The following OR2L13 variants were observed in gnomAD, a reference collection of about 807,000 sequenced individuals.
OR2L13 encodes the protein olfactory receptor 2L13.
Under a neutral mutation model 15.3 loss-of-function variants are expected in OR2L13, and 14 were observed. That is an observed-to-expected ratio of 0.91 (90% CI 0.60 to 1.43). The LOEUF (loss-of-function observed/expected upper bound fraction) is 1.43, where lower values mean the gene tolerates loss of function less well. Ranked by LOEUF, OR2L13 falls within the 40% of genes most tolerant of loss-of-function variation. The probability of loss-of-function intolerance (pLI) is 0.00; values close to 1 mark genes in which losing one functional copy is unlikely to be tolerated. For synonymous variants in OR2L13, 152 were observed against 142.9 expected (o/e 1.06, Z -0.45); for missense variants, 367 against 387.9 (o/e 0.95, Z 0.45).
chr1:247,943,168 A>C, the OR2L13 span, among the ~76,000 whole-genome samples: 2 of 152,146 alleles, frequency 1.3e-5, no homozygotes, highest in African/African-American at 4.8e-5. Context: ...AAACATGGGC[A>C]TAGAAATATT....
At chr1:247,955,749 G>T in the OR2L13 span, among the ~76,000 whole-genome samples, 6 of 151,922 alleles carry the variant, frequency 3.9e-5, no homozygotes, top group South Asian at 8.3e-4. Context: ...CTTCTTTTGA[G>T]AAGTGTCCGT....
chr1:248,017,253 A>G, the OR2L13 span, among the ~76,000 whole-genome samples: 3 of 152,346 alleles, frequency 2.0e-5, no homozygotes, highest in East Asian at 5.8e-4. Context: ...GGGCACAAGT[A>G]ACCTGTTTGG....
the OR2L13 span, among the ~76,000 whole-genome samples, chr1:248,051,718 C>T: frequency 0.038 from 5,851 of 152,142 alleles, 385 homozygotes; most frequent in African/African-American, 0.13. Flanking sequence ...CACGATTGTA[C>T]TCCCTGAATA....
the OR2L13 span, among the ~76,000 whole-genome samples, chr1:248,072,244 T>A: frequency 1.2e-4 from 19 of 152,192 alleles, no homozygotes; most frequent in Non-Finnish European, 2.6e-4. Flanking sequence ...AAGGCTACAG[T>A]AACCAAAACA....
the OR2L13 span, among the ~76,000 whole-genome samples, chr1:247,960,086 C>T: frequency 2.6e-5 from 4 of 151,612 alleles, no homozygotes; most frequent in African/African-American, 4.8e-5. Context: ...TACCTTTGGT[C>T]TTTGATGATG....
the OR2L13 span, among the ~76,000 whole-genome samples, chr1:248,009,920 G>A: frequency 6.6e-6 from 1 of 152,044 alleles, no homozygotes; most frequent in Non-Finnish European, 1.5e-5. Context: ...AAAACCATAT[G>A]ATTATTTCAA....
the OR2L13 span, among the ~76,000 whole-genome samples, chr1:248,055,150 G>T: frequency 6.6e-6 from 1 of 152,058 alleles, no homozygotes; most frequent in Non-Finnish European, 1.5e-5. Context: ...TAACATGAAG[G>T]GAAGTCGAAT....
chr1:248,073,303 A>G, the OR2L13 span, among the ~76,000 whole-genome samples: 7 of 152,258 alleles, frequency 4.6e-5, no homozygotes, highest in East Asian at 1.9e-4. Flanking sequence ...GCCATAAAAA[A>G]TGATGAGTTT....
At chr1:248,021,008 G>T in the OR2L13 span, among the ~76,000 whole-genome samples, 1 of 151,812 alleles carries the variant, frequency 6.6e-6, no homozygotes, top group East Asian at 1.9e-4. Context: ...TTAGAAGTAA[G>T]TGTTACACAA....
At chr1:248,027,582 C>A in the OR2L13 span, among the ~76,000 whole-genome samples, 46,012 of 151,982 alleles carry the variant, frequency 0.3, 11,263 homozygotes, top group African/African-American at 0.68. Flanking sequence ...CTCTCTTTGT[C>A]CTCTGTCCCT....
the OR2L13 span, chr1:247,990,636 G>T: frequency 6.5e-7 from 1 of 1,536,490 alleles, no homozygotes; most frequent in East Asian, 2.3e-5. Context: ...ATCGTTATGT[G>T]GCTATTTGCT....
the OR2L13 span, among the ~76,000 whole-genome samples, chr1:247,955,636 C>A: frequency 6.2e-5 from 9 of 144,156 alleles, no homozygotes; most frequent in Non-Finnish European, 1.4e-4. Flanking sequence ...TTAATGATCA[C>A]CATTCTAACT....
the OR2L13 span, among the ~76,000 whole-genome samples, chr1:247,958,605 G>T: frequency 6.6e-6 from 1 of 152,152 alleles, no homozygotes; most frequent in African/African-American, 2.4e-5. Flanking sequence ...CTACGGACTT[G>T]CTTTATGAAT....
chr1:248,001,627 GA>G, the OR2L13 span, among the ~76,000 whole-genome samples: 1 of 151,742 alleles, frequency 6.6e-6, no homozygotes, highest in East Asian at 1.9e-4. Flanking sequence ...TTTTACATAA[GA>G]AAAATATATC....
upstream of OR2L13, among the ~76,000 whole-genome samples, chr1:248,090,672 T>C (rs891038581): frequency 5.3e-5 from 8 of 152,338 alleles, no homozygotes; most frequent in South Asian, 8.3e-4. Flanking sequence ...ACGTTTTCTT[T>C]ATCCAATCTA....
chr1:248,099,624 C>T (rs1265250630), exon 3 of OR2L13: 1 of 1,614,166 alleles, frequency 6.2e-7, no homozygotes, highest in Non-Finnish European at 8.5e-7. Flanking sequence ...TGGCGTACAA[C>T]TTCCTGTCCG....
At chr1:248,097,589 G>T (rs1024744102) in intron 1 of OR2L13, among the ~76,000 whole-genome samples, 5 of 152,098 alleles carry the variant, frequency 3.3e-5, no homozygotes, top group Non-Finnish European at 7.3e-5. Context: ...TGTAGTAACT[G>T]CCATAAAACA....
At chr1:248,003,238 G>C in the OR2L13 span, 3 of 1,549,274 alleles carry the variant, frequency 1.9e-6, no homozygotes, top group Non-Finnish European at 1.8e-6. Context: ...TTTTCCTAAT[G>C]GCTCTAATTG....
chr1:247,939,547 A>G, the OR2L13 span: 1 of 152,224 alleles, frequency 6.6e-6, no homozygotes, highest in Non-Finnish European at 1.5e-5. Context: ...TGTCGTCTAC[A>G]GCGTTGGCAC....
Sources: gnomAD v4.1 joint callset for allele counts (sites outside exome capture counted in the v4.1 genomes callset) on GRCh38, gnomAD v4.1.1 for gene constraint, MANE v1.5 for transcripts, NCBI Gene and HGNC (gene_info 2026-07-23, HGNC 2026-07-21) for gene names.